HENMT1: variants seen among roughly 807,000 people sequenced by gnomAD.
The protein encoded by HENMT1 is HEN methyltransferase 1.
In HENMT1, 27 loss-of-function variants were observed where a neutral mutation model predicts 31.1. The ratio of observed to expected loss-of-function variants is 0.87; its 90% confidence interval spans 0.64 to 1.20. HENMT1 has a LOEUF of 1.20. HENMT1 is among the 50% of genes most tolerant of loss of function. The probability of loss-of-function intolerance (pLI) is 0.00; values close to 1 mark genes in which losing one functional copy is unlikely to be tolerated. For synonymous variants in HENMT1, 167 were observed against 172.2 expected, an observed-to-expected ratio of 0.97 and a Z score of 0.24; for missense variants, 438 against 469.6, an observed-to-expected ratio of 0.93 and a Z score of 0.62.
rs1415166405 is a variant in HENMT1 at position 108,648,338 on chromosome 1, A to G, written c.*228T>C. The G allele has an allele frequency of 1.9e-6, 1 of 527,696 alleles. No individual in the cohort carries two copies. Among genetic ancestry groups the G allele is most frequent in the Non-Finnish European group, 3.3e-6 (1 of 299,708 alleles). The allele number at this position is 527,696 out of a possible 1,614,324, so 32.7% of individuals were successfully genotyped here. On this transcript the variant is annotated 3_prime_UTR_variant, in exon 8 of 8. Transcript: ENST00000651461. ...CAACTTCTTTATTCTTGAGAAAACAAAAAAGTCCAAAATCAAAGGAAAGCA... is the reference window on the plus strand; with the variant it reads ...CAACTTCTTTATTCTTGAGAAAACAGAAAAGTCCAAAATCAAAGGAAAGCA...
chr1:108,650,237 G>C lies in HENMT1; in HGVS notation c.730C>G (p.Gln244Glu), dbSNP rs180677194. 1 of 1,614,026 alleles carries C rather than the reference G, an allele frequency of 6.2e-7. No individual in the cohort carries two copies. Among genetic ancestry groups the C allele is most frequent in the Non-Finnish European group, 8.5e-7 (1 of 1,179,918 alleles). The change falls in exon 7 of 8, where the codon CAG becomes GAG. Residue 244 changes from glutamine to glutamate, a missense_variant. By Grantham distance (29) the Gln-to-Glu change is conservative (BLOSUM62 2). Coordinates refer to ENST00000651461, the MANE Select transcript of HENMT1 (RefSeq NM_001102592.2). ...GKATESCLSE[Q>E]HDQHVYKAVF... ...GCTTTATAAACATGCTGATCATGCTGCTCTGAAAGACATGATTCTGTTGCC... is the reference window on the plus strand; with the variant it reads ...GCTTTATAAACATGCTGATCATGCTCCTCTGAAAGACATGATTCTGTTGCC...
chr1:108,650,892 A>AC, intron 6 of HENMT1, 138 bp downstream of exon 6: 1 of 659,138 alleles, frequency 1.5e-6, no homozygotes, highest in Non-Finnish European at 2.6e-6. Flanking sequence ...CTTATTACAT[A>AC]CTAAGTCACA....
At position 108,661,087 on chromosome 1, in the gene HENMT1, G is replaced by A. The variant is rs536655311; in HGVS notation, c.-203C>T. The A allele has an allele frequency of 3.9e-6, 3 of 768,792 alleles. No homozygotes were observed. The highest frequency in any genetic ancestry group is 1.9e-5 in the African/African-American group (1 of 53,086). 47.6% of individuals were successfully genotyped at this position (768,792 alleles called of 1,614,324 possible). On this transcript the variant is annotated 5_prime_UTR_variant, in exon 1 of 8. Coordinates refer to ENST00000651461, the MANE Select transcript of HENMT1 (RefSeq NM_001102592.2). Reference sequence around the variant, plus strand: ...AGCGTCCTCAACTCAGCGCCGCCCTGACGCCCGCGCACGCACGGCCTCGCT... The same window carrying A: ...AGCGTCCTCAACTCAGCGCCGCCCTAACGCCCGCGCACGCACGGCCTCGCT...
At chr1:108,655,553 T>C (rs770018358) in intron 4 of HENMT1, 33 bp downstream of exon 4, 3 of 1,226,960 alleles carry the variant, frequency 2.4e-6, no homozygotes, top group Non-Finnish European at 3.5e-6. Flanking sequence ...AGTTTTAGAT[T>C]AACGCATAAT....
intron 5 of HENMT1, among the ~76,000 whole-genome samples, chr1:108,653,769 GT>G (rs1330491186): frequency 6.6e-6 from 1 of 152,026 alleles, no homozygotes; most frequent in African/African-American, 2.4e-5. Context: ...TTTATTTGGG[GT>G]TTTTTTGCTG....
In HENMT1 at chr1:108,658,572, ACT is replaced by A. The variant is rs138112294; in HGVS notation, c.22-995_22-994del. 7.3e-3 allele frequency among the ~76,000 whole-genome samples: 1,102 copies of A among 151,966 alleles called. 8 individuals are homozygous for A. The highest frequency in any genetic ancestry group is 0.046 in the East Asian group (240 of 5,176). On this transcript the variant is annotated intron_variant, in intron 2 of 7. Transcript: ENST00000651461. ...GAACATTCCAACACACCAGCAAAAGACTCTCTCACTGACCAAACTTCAGTCAG... is the reference window on the plus strand; with the variant it reads ...GAACATTCCAACACACCAGCAAAAGACTCTCACTGACCAAACTTCAGTCAG...
chr1:108,654,753 G>T lies in HENMT1; in HGVS notation c.361C>A (p.Arg121Ser), dbSNP rs370205325. The change falls in exon 5 of 8, where the codon CGT becomes AGT. Residue 121 changes from arginine (R) to serine (S), a missense_variant. Transcript: ENST00000651461. The part of the protein sequence containing the change: ...YHGSVVERDS[R>S]LLGFDLITCI... The stretch of plus-strand genomic sequence containing the variant: ...GTTATCAAGTCAAATCCAAGCAAAC[G>T]AGAGTCTCTCTCCACAACGGAGCCA... 2.5e-6 allele frequency: 4 copies of T among 1,613,894 alleles called. No homozygotes were observed. The African/African-American group carries it at 5.3e-5, about 22-fold the overall frequency.
chr1:108,660,731 C>A (rs1386216527), intron 1 of HENMT1, among the ~76,000 whole-genome samples: 2 of 151,612 alleles, frequency 1.3e-5, no homozygotes, highest in Non-Finnish European at 2.9e-5. Flanking sequence ...GAGACCATCC[C>A]GGCTAAAACG....
In HENMT1 at chr1:108,650,376, C is replaced by T; in HGVS notation, c.591G>A (p.Val197=). The part of the protein sequence containing the change: ...RMEFQTWALY[V]ANRYDYSVEF... ...CCACAGAGTAATCATAGCGATTTGC[C>T]ACATATAAAGCCCTGAAACCAAAAC... The change falls in exon 7 of 8, where the codon GTG becomes GTA. Residue 197 remains valine, a synonymous_variant. Coordinates refer to ENST00000651461, the MANE Select transcript of HENMT1 (RefSeq NM_001102592.2). 1 of 1,612,970 alleles carries T rather than the reference C, an allele frequency of 6.2e-7. No individual in the cohort carries two copies. Among genetic ancestry groups the T allele is most frequent in the Non-Finnish European group, 8.5e-7 (1 of 1,179,728 alleles).
intron 7 of HENMT1, chr1:108,649,430 G>C: frequency 2.2e-6 from 1 of 447,304 alleles, no homozygotes; most frequent in Non-Finnish European, 4.5e-6. Flanking sequence ...GTGAGACCCT[G>C]TCTCTACGGA....
intron 3 of HENMT1, among the ~76,000 whole-genome samples, chr1:108,657,196 C>T (rs1658271090): frequency 6.6e-6 from 1 of 152,180 alleles, no homozygotes; most frequent in African/African-American, 2.4e-5. Context: ...CTCCTTAAGG[C>T]TCCCCATTCC....
At chr1:108,654,601 TG>T (rs1218420355) in intron 5 of HENMT1, 114 bp downstream of exon 5, 26 of 968,206 alleles carry the variant, frequency 2.7e-5, no homozygotes, top group Non-Finnish European at 3.8e-5. Flanking sequence ...TCCCAACCAA[TG>T]AGCAGTTTTC....
chr1:108,656,512 C>T (rs1441003036), intron 3 of HENMT1, among the ~76,000 whole-genome samples: 1 of 152,178 alleles, frequency 6.6e-6, no homozygotes, highest in Admixed American at 6.5e-5. Context: ...TTGAGACGGG[C>T]TCTTTCTCTG....
chr1:108,657,476 A>G lies in HENMT1; in HGVS notation c.125T>C (p.Leu42Ser). The change falls in exon 3 of 8, where the codon TTA becomes TCA. Residue 42 changes from leucine to serine, a missense_variant. Physicochemically the swap from Leu to Ser is moderately radical, Grantham distance 145. Coordinates refer to ENST00000651461, the MANE Select transcript of HENMT1 (RefSeq NM_001102592.2). ...CTTCTTAGGCTCATGTTGATCCACT[A>G]AATTTTTAACGAACTGGTACCGCTG... Reference protein sequence around the residue: ...YRQRYQFVKNLVDQHEPKKVA... With the variant: ...YRQRYQFVKNSVDQHEPKKVA... 1 of 1,609,586 alleles carries G rather than the reference A, an allele frequency of 6.2e-7. No individual in the cohort carries two copies. The highest frequency in any genetic ancestry group is 8.5e-7 in the Non-Finnish European group (1 of 1,176,372).
rs137888109 is a variant in HENMT1 at position 108,652,242 on chromosome 1, G to A, written c.399-1033C>T. Among the ~76,000 whole-genome samples the A allele has an allele frequency of 4.0e-3, 605 of 152,272 alleles. 7 individuals carry two copies. Among genetic ancestry groups the A allele is most frequent in the African/African-American group, 0.013 (556 of 41,556 alleles). ...GAATGTGGACTTAGATTAGGTAATC[G>A]TACTGTATCAATGTTCAATTTCCTG... is the stretch of plus-strand genomic sequence containing the variant. On this transcript the variant is annotated intron_variant, in intron 5 of 7. Transcript: ENST00000651461.
At chr1:108,659,018 C>G (rs191416164) in intron 2 of HENMT1, among the ~76,000 whole-genome samples, 2 of 152,080 alleles carry the variant, frequency 1.3e-5, no homozygotes, top group African/African-American at 4.8e-5. Context: ...ACCAATATAT[C>G]GAAAATATAA....
At chr1:108,649,412 G>A (rs1657976801) in intron 7 of HENMT1, 2 of 457,042 alleles carry the variant, frequency 4.4e-6, no homozygotes, top group African/African-American at 4.0e-5. Flanking sequence ...ACCAGCCTGG[G>A]CAACATAGTG....
Position 108,648,798 on chromosome 1 carries a change from A to G in HENMT1, c.950T>C (p.Val317Ala), listed in dbSNP as rs1458302601. Reference protein sequence around the residue: ...SKAPVPCFGPVFTEVEKAKIE... With the variant: ...SKAPVPCFGPAFTEVEKAKIE... Reference sequence around the variant, plus strand: ...CTTGGCCTTCTCAACCTCTGTGAAGACTGGTCCAAAGCATGGGACAGGGGC... The same window carrying G: ...CTTGGCCTTCTCAACCTCTGTGAAGGCTGGTCCAAAGCATGGGACAGGGGC... Residue 317 changes from valine (V) to alanine (A), a missense_variant, in exon 8 of 8, where the codon GTC becomes GCC. Coordinates refer to ENST00000651461, the MANE Select transcript of HENMT1 (RefSeq NM_001102592.2). 6.2e-7 allele frequency: 1 copy of G among 1,614,200 alleles called. No individual in the cohort carries two copies. Among genetic ancestry groups the G allele is most frequent in the Admixed American group, 1.7e-5 (1 of 60,030 alleles).
rs11806189 is a variant in HENMT1 at position 108,657,532 on chromosome 1, C to T, written c.69G>A (p.Thr23=). The T allele has an allele frequency of 3.2e-4, 509 of 1,613,144 alleles. No individual in the cohort carries two copies. In the African/African-American group the frequency reaches 6.3e-3, roughly 20 times the overall value. The part of the protein sequence containing the change: ...DGNFEEVPRE[T]AIQFKPPLYR... ...ATAGTGGAGGTTTAAACTGAATTGC[C>T]GTCTCCCTGGGAACTTCTTCAAAAT... The change falls in exon 3 of 8, where the codon ACG becomes ACA. Residue 23 remains threonine, a synonymous_variant. Coordinates refer to ENST00000651461, the MANE Select transcript of HENMT1 (RefSeq NM_001102592.2).
Sources: allele counts gnomAD v4.1 joint callset (sites outside exome capture counted in the v4.1 genomes callset), GRCh38; gene constraint gnomAD v4.1.1; transcripts MANE v1.5; gene names NCBI Gene and HGNC (gene_info 2026-07-23, HGNC 2026-07-21).